TACC2: variants seen among roughly 807,000 people sequenced by gnomAD.
TACC2 encodes the protein transforming acidic coiled-coil containing protein 2, also known as transforming acidic coiled-coil-containing protein 2.
A neutral mutation model predicts 227.3 loss-of-function variants in TACC2; 137 were observed. The observed-to-expected ratio is 0.60, with a 90% CI of 0.52 to 0.69. The LOEUF (loss-of-function observed/expected upper bound fraction) is 0.69, where lower values mean the gene tolerates loss of function less well. Ranked by LOEUF, TACC2 falls within the 30% of genes least tolerant of loss-of-function variation. TACC2 has a pLI of 0.00. For synonymous variants in TACC2, 1,523 were observed against 1,487.5 expected, an observed-to-expected ratio of 1.02 and a Z score of -0.55; for missense variants, 3,470 against 3,694.4, an observed-to-expected ratio of 0.94 and a Z score of 1.57.
In TACC2 at chr10:122,132,728, C is replaced by A. The variant is rs762623543; in HGVS notation, c.5693C>A (p.Ala1898Asp). ...VVGQVSTDLI[A>D]QSISPAAAHA... ...GGCCAGGTCTCTACGGATCTGATAG[C>A]CCAGAGGTACGGTGGGGGCCCTGGA... is the stretch of plus-strand genomic sequence containing the variant. The change falls in exon 6 of 23, where the codon GCC (alanine) becomes GAC (aspartate). Residue 1898 changes from alanine (A) to aspartate (D), a missense_variant. Around this residue, in one of 10 missense-constraint regions of TACC2, gnomAD observed 1,924 missense variants for 1,978.3 expected, o/e 0.97. Coordinates refer to ENST00000369005, the MANE Select transcript of TACC2 (RefSeq NM_206862.4). 2.0e-5 allele frequency: 32 copies of A among 1,614,002 alleles called. No homozygotes were observed. The highest frequency in any genetic ancestry group is 2.6e-5 in the Non-Finnish European group (31 of 1,180,004).
chr10:122,195,305 T>C, intron 8 of TACC2, 129 bp downstream of exon 8: 1 of 752,634 alleles, frequency 1.3e-6, no homozygotes, highest in Non-Finnish European at 2.1e-6. Flanking sequence ...TGAGTTGTGC[T>C]TGACGTGGCT....
chr10:122,238,180 A>G (rs995405305), intron 18 of TACC2, 143 bp downstream of exon 18: 33 of 618,994 alleles, frequency 5.3e-5, no homozygotes, highest in Non-Finnish European at 7.9e-5. Context: ...TATTTTTCTA[A>G]AAGTATTTTT....
intron 6 of TACC2, among the ~76,000 whole-genome samples, chr10:122,133,933 G>C (rs560044832): frequency 7.2e-5 from 11 of 152,292 alleles, no homozygotes; most frequent in South Asian, 2.1e-4. Context: ...ACCAGATGAG[G>C]GGGGGACAGG....
chr10:122,230,944 A>G lies in TACC2; in HGVS notation c.8127+504A>G, dbSNP rs113404896. Among the ~76,000 whole-genome samples, 933 of 152,374 alleles carry G rather than the reference A, an allele frequency of 6.1e-3. 4 individuals carry two copies. The highest frequency in any genetic ancestry group is 0.011 in the Non-Finnish European group (736 of 68,036). ...AAGTGAAACCAAGACATTTGATAAT[A>G]TTCTAGACCAGGCTTAAGCAATTCT... On this transcript the variant is annotated intron_variant, in intron 16 of 22. Transcript: ENST00000369005.
Position 122,083,201 on chromosome 10 carries a change from T to C in TACC2, c.701T>C (p.Phe234Ser), listed in dbSNP as rs1307587628. Reference sequence around the variant, plus strand: ...CAAGAGAAAGAGGCTGCAGGTGGCTTTCCCCCTGCAGAGTCCAGGCAGGGG... The same window carrying C: ...CAAGAGAAAGAGGCTGCAGGTGGCTCTCCCCCTGCAGAGTCCAGGCAGGGG... Reference protein sequence around the residue: ...ESQEKEAAGGFPPAESRQGVA... With the variant: ...ESQEKEAAGGSPPAESRQGVA... The change falls in exon 4 of 23, where the codon TTT becomes TCT. Residue 234 changes from phenylalanine to serine, a missense_variant. Transcript: ENST00000369005. 6.2e-7 allele frequency: 1 copy of C among 1,613,246 alleles called. No homozygotes were observed. The highest frequency in any genetic ancestry group is 1.3e-5 in the African/African-American group (1 of 74,854).
At position 122,226,440 on chromosome 10, in the gene TACC2, A is replaced by G. The variant is rs114701221; in HGVS notation, c.7683A>G (p.Ser2561=). 4.3e-6 allele frequency: 7 copies of G among 1,613,864 alleles called. No homozygotes were observed. In the African/African-American group the frequency reaches 6.7e-5, roughly 15 times the overall value. ...CTTCTCAGGAGAGCCCTGTCAAGTC[A>G]TCTCCCGTCCGCATGTCAGAGTCCC... ...FDTSQESPVK[S]SPVRMSESPT... is the part of the protein sequence containing the mutation. The change falls in exon 13 of 23, where the codon TCA becomes TCG. Residue 2561 remains serine (S), a synonymous_variant. Transcript: ENST00000369005.
chr10:122,195,387 AG>A (rs112676574), intron 8 of TACC2, among the ~76,000 whole-genome samples: 18 of 152,204 alleles, frequency 1.2e-4, no homozygotes, highest in African/African-American at 2.9e-4. Flanking sequence ...GCAGAATTTT[AG>A]GGGGGGCCTC....
At position 122,026,778 on chromosome 10, in the gene TACC2, G is replaced by C. The variant is rs553839279; in HGVS notation, c.33+4764G>C. Among the ~76,000 whole-genome samples, 8 of 152,182 alleles carry C rather than the reference G, an allele frequency of 5.3e-5. No homozygotes were observed. The South Asian group carries it at 1.7e-3, about 32-fold the overall frequency. The stretch of plus-strand genomic sequence containing the variant: ...TTTCACTCAGTAATGTCCATTTAAG[G>C]TTCCTGCATGTTTTTTCATTGCTTT... On this transcript the variant is annotated intron_variant, in intron 2 of 22. Transcript: ENST00000369005.
intron 1 of TACC2, among the ~76,000 whole-genome samples, chr10:122,002,837 T>G (rs1232314901): frequency 2.0e-5 from 3 of 152,226 alleles, no homozygotes; most frequent in African/African-American, 7.2e-5. Context: ...TAATTTTGTG[T>G]GTTTGTGCTT....
At chr10:122,027,647 A>AT (rs1270711784) in intron 2 of TACC2, among the ~76,000 whole-genome samples, 20 of 152,170 alleles carry the variant, frequency 1.3e-4, no homozygotes, top group African/African-American at 3.6e-4. Flanking sequence ...GAGTCTTCTC[A>AT]TTTTATTCTT....
At chr10:122,052,018 A>C (rs1200817031) in intron 3 of TACC2, 2 of 152,156 alleles carry the variant, frequency 1.3e-5, no homozygotes, top group Non-Finnish European at 2.9e-5. Flanking sequence ...TCTCTGCTAA[A>C]GATGGTGCTT....
intron 2 of TACC2, among the ~76,000 whole-genome samples, chr10:122,049,175 G>A (rs2075387746): frequency 6.6e-6 from 1 of 152,230 alleles, no homozygotes; most frequent in South Asian, 2.1e-4. Context: ...CTGCTAAGGT[G>A]AAAAGGGCAA....
chr10:122,163,942 C>T, intron 7 of TACC2: 2 of 1,585,000 alleles, frequency 1.3e-6, no homozygotes, highest in Non-Finnish European at 1.7e-6. Flanking sequence ...GGTCGCAGTC[C>T]CTGCAGCCAG....
At position 122,054,751 on chromosome 10, in the gene TACC2, C is replaced by T. The variant is rs369678944; in HGVS notation, c.146+4201C>T. On this transcript the variant is annotated intron_variant, in intron 3 of 22. Coordinates refer to ENST00000369005, the MANE Select transcript of TACC2 (RefSeq NM_206862.4). Reference sequence around the variant, plus strand: ...CTTGAGTGATTTCTAGCTGAATTCCCGGCGCCTTTGGTTTCTGACCACAGT... The same window carrying T: ...CTTGAGTGATTTCTAGCTGAATTCCTGGCGCCTTTGGTTTCTGACCACAGT... Among the ~76,000 whole-genome samples the T allele has an allele frequency of 6.6e-4, 100 of 152,184 alleles. 1 individual carries two copies. The highest frequency in any genetic ancestry group is 2.0e-3 in the African/African-American group (82 of 41,524).
chr10:122,118,498 GC>G, intron 5 of TACC2, among the ~76,000 whole-genome samples: 1 of 152,268 alleles, frequency 6.6e-6, no homozygotes, highest in South Asian at 2.1e-4. Context: ...ATTGTGTTTG[GC>G]AGAACAGATT....
intron 11 of TACC2, among the ~76,000 whole-genome samples, chr10:122,223,434 G>C (rs1325509928): frequency 1.3e-5 from 2 of 152,178 alleles, no homozygotes; most frequent in African/African-American, 4.8e-5. Flanking sequence ...CTTGGTGTGA[G>C]AGTTGGAAAC....
chr10:122,002,264 C>T (rs903502382), intron 1 of TACC2, among the ~76,000 whole-genome samples: 4 of 152,192 alleles, frequency 2.6e-5, no homozygotes, highest in Non-Finnish European at 5.9e-5. Context: ...CTCCAAATAC[C>T]TTCACATTGG....
At position 122,102,132 on chromosome 10, in the gene TACC2, A is replaced by G. The variant is rs145615770; in HGVS notation, c.5573+13541A>G. On this transcript the variant is annotated intron_variant, in intron 5 of 22. Coordinates refer to ENST00000369005, the MANE Select transcript of TACC2 (RefSeq NM_206862.4). ...TTGGGCAGTTTATGGGCCACCCTTT[A>G]AGTAGCAAGGGGTCTGGGGCACTCT... Among the ~76,000 whole-genome samples, 1,332 of 152,158 alleles carry G rather than the reference A, an allele frequency of 8.8e-3. 19 individuals are homozygous for G. Among genetic ancestry groups the G allele is most frequent in the African/African-American group, 0.03 (1,266 of 41,520 alleles).
Position 122,083,829 on chromosome 10 carries a change from A to G in TACC2, c.1329A>G (p.Glu443=), listed in dbSNP as rs765556704. The change falls in exon 4 of 23, where the codon GAA becomes GAG. Residue 443 remains glutamate, a synonymous_variant. Transcript: ENST00000369005. The part of the protein sequence containing the change: ...AVEEPGSSSR[E]SVSKAGMPVS... ...AAGAACCTGGATCATCATCCAGGGA[A>G]TCAGTTTCCAAGGCTGGGATGCCAG... 6.2e-7 allele frequency: 1 copy of G among 1,614,162 alleles called. No individual in the cohort carries two copies. The highest frequency in any genetic ancestry group is 1.7e-5 in the Admixed American group (1 of 60,026).
Sources: allele counts gnomAD v4.1 joint callset (sites outside exome capture counted in the v4.1 genomes callset), GRCh38; gene constraint gnomAD v4.1.1; regional missense constraint gnomAD v4.1.1; transcripts MANE v1.5; gene names NCBI Gene and HGNC (gene_info 2026-07-23, HGNC 2026-07-21).